GPR39: variants seen among roughly 807,000 people sequenced by gnomAD.
The protein encoded by GPR39 is zinc sensing receptor.
In GPR39, 23 loss-of-function variants were observed where a neutral mutation model predicts 18.4. That is an observed-to-expected ratio of 1.25 (90% CI 0.90 to 1.77). The LOEUF is 1.77. Ranked by LOEUF, GPR39 falls within the 40% of genes most tolerant of loss-of-function variation. The pLI, the probability that GPR39 is intolerant of heterozygous loss-of-function variation, is 0.00. For synonymous variants in GPR39, 280 were observed against 257.9 expected (o/e 1.09, Z -0.82); for missense variants, 647 against 602.4 (o/e 1.07, Z -0.78).
intron 1 of GPR39, among the ~76,000 whole-genome samples, chr2:132,528,154 T>C (rs3109140): frequency 0.65 from 98,535 of 152,116 alleles, 33,466 homozygotes; most frequent in East Asian, 0.9. Context: ...ACATGGCTAG[T>C]GAGTTTTCCC....
In GPR39 at chr2:132,417,865, A is replaced by G. The variant is rs1400149358; in HGVS notation, c.823A>G (p.Arg275Gly). 1 of 1,602,236 alleles carries G rather than the reference A, an allele frequency of 6.2e-7. No homozygotes were observed. Among genetic ancestry groups the G allele is most frequent in the Non-Finnish European group, 8.5e-7 (1 of 1,175,944 alleles). Residue 275 changes from arginine to glycine, a missense_variant, in exon 1 of 2, where the codon AGG becomes GGG. By Grantham distance (125) the Arg-to-Gly change is moderately radical (BLOSUM62 -2). Around this residue, in one of 3 missense-constraint regions of GPR39, gnomAD observed 581 missense variants for 506.8 expected, o/e 1.15. Coordinates refer to ENST00000329321, the MANE Select transcript of GPR39 (RefSeq NM_001508.3). ...GAGGAAGTCCGAGAGCGAAGAGAGC[A>G]GGACCGCCAGGAGGCAGACCATCAT... ...QLRKSESEESRTARRQTIIFL... is the reference protein window; with the variant it reads ...QLRKSESEESGTARRQTIIFL...
chr2:132,472,538 A>G (rs532129145), intron 1 of GPR39, among the ~76,000 whole-genome samples: 6 of 152,140 alleles, frequency 3.9e-5, no homozygotes, highest in African/African-American at 1.2e-4. Context: ...ATTTCCTGCA[A>G]CTCACCTGTG....
intron 1 of GPR39, among the ~76,000 whole-genome samples, chr2:132,571,941 G>A (rs1421069011): frequency 6.6e-6 from 1 of 152,162 alleles, no homozygotes; most frequent in Non-Finnish European, 1.5e-5. Context: ...GCTGAGTCTT[G>A]AGGAATGGGC....
intron 1 of GPR39, among the ~76,000 whole-genome samples, chr2:132,458,458 TTGTGTGTGTGTGTG>T (rs57137481): frequency 2.3e-5 from 3 of 132,206 alleles, no homozygotes; most frequent in South Asian, 2.7e-4. Flanking sequence ...CTCGGTGTGT[TTGTGTGTGTGTGTG>T]TGTGTGTGTG....
intron 1 of GPR39, among the ~76,000 whole-genome samples, chr2:132,638,508 C>T (rs1681804913): frequency 6.6e-6 from 1 of 152,156 alleles, no homozygotes; most frequent in South Asian, 2.1e-4. Context: ...CTAAGAAGTT[C>T]CCAGGTGGCG....
intron 1 of GPR39, among the ~76,000 whole-genome samples, chr2:132,606,529 A>T (rs149362288): frequency 8.5e-5 from 13 of 152,356 alleles, no homozygotes; most frequent in Admixed American, 3.9e-4. Context: ...CTGGGCTCCA[A>T]CCCATAGCAG....
chr2:132,493,792 A>G (rs1006891446), intron 1 of GPR39, among the ~76,000 whole-genome samples: 11 of 151,942 alleles, frequency 7.2e-5, no homozygotes, highest in Admixed American at 3.3e-4. Context: ...ACAGAGCACC[A>G]CAGGCTATAG....
intron 1 of GPR39, among the ~76,000 whole-genome samples, chr2:132,539,524 G>C (rs3115033): frequency 0.54 from 81,758 of 152,030 alleles, 23,038 homozygotes; most frequent in East Asian, 0.9. Context: ...CTATGCTAGA[G>C]TGTTAGGGAG....
chr2:132,513,601 G>C (rs1230622642), intron 1 of GPR39, among the ~76,000 whole-genome samples: 1 of 152,244 alleles, frequency 6.6e-6, no homozygotes, highest in Non-Finnish European at 1.5e-5. Context: ...CACATATACT[G>C]TTTTGTTATT....
At chr2:132,432,338 A>C (rs778985123) in intron 1 of GPR39, among the ~76,000 whole-genome samples, 4 of 152,194 alleles carry the variant, frequency 2.6e-5, no homozygotes, top group African/African-American at 9.6e-5. Context: ...CACAAACCCC[A>C]TGAGGGATGT....
Position 132,417,830 on chromosome 2 carries a change from C to CCT in GPR39, c.788_789insCT (p.Pro264PhefsTer4), listed in dbSNP as rs1679939026. 6.2e-7 allele frequency: 1 copy of CCT among 1,613,476 alleles called. No homozygotes were observed. The highest frequency in any genetic ancestry group is 8.5e-7 in the Non-Finnish European group (1 of 1,180,032). ...GGCTCGCTGGCCGGGGGCACGCGGC[C>CCT]TCCGCAGCTGAGGAAGTCCGAGAGC... On this transcript the variant is annotated frameshift_variant, in exon 1 of 2. Transcript: ENST00000329321. LOFTEE classifies it high-confidence loss of function.
At chr2:132,536,074 A>G (rs184598755) in intron 1 of GPR39, among the ~76,000 whole-genome samples, 42 of 147,176 alleles carry the variant, frequency 2.9e-4, no homozygotes, top group Middle Eastern at 3.6e-3. Flanking sequence ...TGTCTCCTTC[A>G]GTTCTGGTCT....
At chr2:132,574,801 A>G (rs1027647903) in intron 1 of GPR39, among the ~76,000 whole-genome samples, 1 of 152,182 alleles carries the variant, frequency 6.6e-6, no homozygotes, top group Non-Finnish European at 1.5e-5. Context: ...TTGTATTTAA[A>G]ACTTTTGTAA....
intron 1 of GPR39, among the ~76,000 whole-genome samples, chr2:132,471,428 G>A (rs529883669): frequency 5.9e-5 from 9 of 152,024 alleles, no homozygotes; most frequent in East Asian, 1.9e-4. Flanking sequence ...TCCACTAGTC[G>A]GTGCAACCTC....
At chr2:132,493,384 GTATA>G (rs1558815344) in intron 1 of GPR39, among the ~76,000 whole-genome samples, 2 of 133,516 alleles carry the variant, frequency 1.5e-5, no homozygotes, top group South Asian at 2.3e-4. Flanking sequence ...TATACACACC[GTATA>G]TATACACACC....
intron 1 of GPR39, among the ~76,000 whole-genome samples, chr2:132,527,826 C>T (rs919550192): frequency 6.6e-5 from 10 of 151,982 alleles, no homozygotes; most frequent in African/African-American, 2.2e-4. Context: ...CCTGTAGATT[C>T]TGGATATTAA....
Position 132,646,266 on chromosome 2 carries a change from T to TG in GPR39, c.*661dup, listed in dbSNP as rs1162364502. 1.3e-6 allele frequency: 2 copies of TG among 1,554,000 alleles called. No homozygotes were observed. Among genetic ancestry groups the TG allele is most frequent in the East Asian group, 2.3e-5 (1 of 43,604 alleles). On this transcript the variant is annotated 3_prime_UTR_variant, in exon 2 of 2. Transcript: ENST00000329321. ...CAGGCCGCTGATGATGCACAGGACT[T>TG]GCGGTACATGATCCCTGTAACACAG...
intron 1 of GPR39, chr2:132,523,649 C>T (rs1162807966): frequency 6.6e-6 from 1 of 152,220 alleles, no homozygotes; most frequent in Non-Finnish European, 1.5e-5. Context: ...CAACATCTGT[C>T]ACCCCACTGA....
At chr2:132,543,398 C>T (rs960004696) in intron 1 of GPR39, among the ~76,000 whole-genome samples, 2 of 152,124 alleles carry the variant, frequency 1.3e-5, no homozygotes, top group Non-Finnish European at 2.9e-5. Context: ...TATGCAAGTT[C>T]CCTTATCTGT....
Sources: gnomAD v4.1 joint callset for allele counts (sites outside exome capture counted in the v4.1 genomes callset) on GRCh38, gnomAD v4.1.1 for gene constraint, gnomAD v4.1.1 regional missense constraint, MANE v1.5 for transcripts, NCBI Gene and HGNC (gene_info 2026-07-23, HGNC 2026-07-21) for gene names.